HAP1: variants seen among roughly 807,000 people sequenced by gnomAD.
HAP1 encodes huntingtin-associated protein 1.
HAP1 carries 59 observed loss-of-function variants against 60.3 expected under a neutral mutation model. The observed-to-expected ratio is 0.98, with a 90% CI of 0.79 to 1.22. The LOEUF is 1.22. HAP1 is among the 50% of genes most tolerant of loss of function. The probability of loss-of-function intolerance (pLI) is 0.00; values close to 1 mark genes in which losing one functional copy is unlikely to be tolerated. For synonymous variants in HAP1, 346 were observed against 330.6 expected (o/e 1.05, Z -0.50); for missense variants, 825 against 785.3 (o/e 1.05, Z -0.60).
intron 4 of HAP1, 32 bp from the exon 5 acceptor site, chr17:41,731,775 A>C (rs1555591053): frequency 6.6e-7 from 1 of 1,513,024 alleles, no homozygotes; most frequent in East Asian, 2.3e-5. Flanking sequence ...GTCAGGGTGC[A>C]GGGAGTGGGG....
chr17:41,727,890 A>AC, intron 7 of HAP1, 54 bp from the exon 8 acceptor site: 1 of 1,088,784 alleles, frequency 9.2e-7, no homozygotes, highest in Non-Finnish European at 1.4e-6. Flanking sequence ...CACTCAGGGC[A>AC]CCCCCTGCTT....
intron 10 of HAP1, 150 bp downstream of exon 10, chr17:41,725,709 G>A: frequency 1.5e-6 from 1 of 682,380 alleles, no homozygotes; most frequent in Non-Finnish European, 2.6e-6. Flanking sequence ...GGAAAAGTGG[G>A]GCAGCTCCTT....
At chr17:41,727,201 G>A in intron 8 of HAP1, 57 bp from the exon 9 acceptor site, 1 of 917,174 alleles carries the variant, frequency 1.1e-6, no homozygotes, top group South Asian at 1.3e-5. Context: ...CCACCCATAG[G>A]CTCAGGCACA....
intron 6 of HAP1, among the ~76,000 whole-genome samples, chr17:41,728,805 C>T (rs1260365706): frequency 6.6e-6 from 1 of 152,096 alleles, no homozygotes; most frequent in African/African-American, 2.4e-5. Flanking sequence ...TCATAAGACA[C>T]TGGGACGGGG....
At chr17:41,733,982 G>A (rs540537733) in intron 1 of HAP1, among the ~76,000 whole-genome samples, 184 bp downstream of exon 1, 143 of 152,310 alleles carry the variant, frequency 9.4e-4, no homozygotes, top group African/African-American at 2.2e-3. Flanking sequence ...CAAACCAGGG[G>A]ACAAGAGCAG....
chr17:41,732,903 C>T, intron 1 of HAP1, 105 bp from the exon 2 acceptor site: 1 of 746,280 alleles, frequency 1.3e-6, no homozygotes, highest in South Asian at 1.4e-5. Context: ...AGTTCTCCAA[C>T]AAGGGTCATC....
At chr17:41,720,110 C>T (rs368245463), downstream of HAP1, among the ~76,000 whole-genome samples, 16 of 151,924 alleles carry the variant, frequency 1.1e-4, no homozygotes, top group Non-Finnish European at 1.3e-4. Context: ...AGGATGGTCT[C>T]GATCTCCTGA....
chr17:41,727,845 AC>A lies in HAP1; in HGVS notation c.1201-10del. 6.4e-7 allele frequency: 1 copy of A among 1,568,232 alleles called. No individual in the cohort carries two copies. The highest frequency in any genetic ancestry group is 8.8e-7 in the Non-Finnish European group (1 of 1,139,034). ...TCAGTCTCAGCCCCATACTGGAAGGACCCAAAACCAGTGAACCCCCATCTGA... is the reference window on the plus strand; with the variant it reads ...TCAGTCTCAGCCCCATACTGGAAGGACCAAAACCAGTGAACCCCCATCTGA... On this transcript the variant is annotated splice_polypyrimidine_tract_variant and intron_variant, in intron 7 of 10. Coordinates refer to ENST00000347901, the MANE Select transcript of HAP1 (RefSeq NM_177977.3).
chr17:41,724,730 G>A lies in HAP1; in HGVS notation c.1831C>T (p.Arg611Trp), dbSNP rs200875679. The change falls in exon 11 of 11, where the codon CGG becomes TGG. Residue 611 changes from arginine (R) to tryptophan (W), a missense_variant. By Grantham distance (101) the Arg-to-Trp change is moderately radical (BLOSUM62 -3). Coordinates refer to ENST00000347901, the MANE Select transcript of HAP1 (RefSeq NM_177977.3). ...CGGCACGACGATCTGCAGCTTGTCC[G>A]GCTGGCGGCAGGGAGGGCCCCGTGG... ...CPHGALPAAS[R>W]TSCRSSCR is the part of the protein sequence containing the mutation. The A allele has an allele frequency of 1.5e-5, 24 of 1,594,508 alleles. No homozygotes were observed. The highest frequency in any genetic ancestry group is 4.5e-5 in the East Asian group (2 of 44,358).
At chr17:41,731,886 G>T in intron 4 of HAP1, 51 bp downstream of exon 4, 1 of 822,172 alleles carries the variant, frequency 1.2e-6, no homozygotes. Context: ...TAACAAATGA[G>T]GAAATTGAGG....
intron 1 of HAP1, 52 bp from the exon 2 acceptor site, chr17:41,732,850 G>A (rs1555591493): frequency 9.9e-7 from 1 of 1,006,096 alleles, no homozygotes; most frequent in Non-Finnish European, 1.6e-6. Context: ...CAGGAAAAAG[G>A]AGCAGATGCT....
At chr17:41,718,874 G>A (rs1911084986), downstream of HAP1, among the ~76,000 whole-genome samples, 1 of 152,000 alleles carries the variant, frequency 6.6e-6, no homozygotes, top group South Asian at 2.1e-4. Flanking sequence ...CACGGTTTCA[G>A]ACTATTTATG....
In HAP1 at chr17:41,731,687, T is replaced by C; in HGVS notation, c.953A>G (p.Gln318Arg). The C allele has an allele frequency of 6.2e-7, 1 of 1,614,128 alleles. No individual in the cohort carries two copies. The highest frequency in any genetic ancestry group is 8.5e-7 in the Non-Finnish European group (1 of 1,179,996). The change falls in exon 5 of 11, where the codon CAG becomes CGG. Residue 318 changes from glutamine (Q) to arginine (R), a missense_variant. By Grantham distance (43) the Gln-to-Arg change is conservative (BLOSUM62 1). Coordinates refer to ENST00000347901, the MANE Select transcript of HAP1 (RefSeq NM_177977.3). Reference sequence around the variant, plus strand: ...CTCCTCCAGCAGCCTCAGCTTCTCCTGCAAGGCTTCCAGCTGTGGGCAGTG... The same window carrying C: ...CTCCTCCAGCAGCCTCAGCTTCTCCCGCAAGGCTTCCAGCTGTGGGCAGTG... ...QHHCPQLEAL[Q>R]EKLRLLEEEN...
At chr17:41,727,480 C>G (rs782612580) in intron 8 of HAP1, 1 of 772,788 alleles carries the variant, frequency 1.3e-6, no homozygotes, top group Admixed American at 1.7e-5. Context: ...ACACCCAGTC[C>G]AGCACTCCTG....
At chr17:41,726,118 A>C (rs1253739047) in intron 9 of HAP1, among the ~76,000 whole-genome samples, 1 of 152,100 alleles carries the variant, frequency 6.6e-6, no homozygotes, top group Non-Finnish European at 1.5e-5. Flanking sequence ...AAAACTACAA[A>C]AATTAGCTGG....
intron 1 of HAP1, 145 bp from the exon 2 acceptor site, chr17:41,732,943 C>A: frequency 1.6e-6 from 1 of 644,908 alleles, no homozygotes; most frequent in East Asian, 2.7e-5. Flanking sequence ...CCCTCCTGCC[C>A]CCCACATCCT....
At chr17:41,722,375 G>A (rs1911258467), downstream of HAP1, 2 of 152,154 alleles carry the variant, frequency 1.3e-5, no homozygotes, top group Admixed American at 1.3e-4. Flanking sequence ...AAAGGATCAG[G>A]GAAGCATGAG....
At chr17:41,731,778 G>T in intron 4 of HAP1, 35 bp from the exon 5 acceptor site, 1 of 1,493,162 alleles carries the variant, frequency 6.7e-7, no homozygotes, top group South Asian at 1.1e-5. Context: ...AGGGTGCAGG[G>T]AGTGGGGCTT....
downstream of HAP1, chr17:41,721,584 T>A (rs1367451380): frequency 1.1e-5 from 2 of 183,122 alleles, no homozygotes; most frequent in Non-Finnish European, 2.5e-5. Context: ...TTCTCTTTTT[T>A]TGAGACAGGG....
Sources: gnomAD v4.1 joint callset for allele counts (sites outside exome capture counted in the v4.1 genomes callset) on GRCh38, gnomAD v4.1.1 for gene constraint, MANE v1.5 for transcripts, NCBI Gene and HGNC (gene_info 2026-07-23, HGNC 2026-07-21) for gene names.